CCBE1: variants seen among roughly 807,000 people sequenced by gnomAD.
CCBE1 encodes collagen and calcium-binding EGF domain-containing protein 1.
In CCBE1, 37 loss-of-function variants were observed where a neutral mutation model predicts 50.0. The ratio of observed to expected loss-of-function variants is 0.74; its 90% CI spans 0.57 to 0.97. The LOEUF (loss-of-function observed/expected upper bound fraction) is 0.97, where lower values mean the gene tolerates loss of function less well. CCBE1 is among the 50% of genes least tolerant of loss of function. CCBE1 has a pLI of 0.00. For synonymous variants in CCBE1, 234 were observed against 203.7 expected (o/e 1.15, Z -1.27); for missense variants, 538 against 523.8 (o/e 1.03, Z -0.26).
chr18:59,688,190 G>A (rs1003420892), intron 2 of CCBE1: 2 of 151,786 alleles, frequency 1.3e-5, no homozygotes, highest in Non-Finnish European at 2.9e-5. Context: ...CTAACATTTC[G>A]GCTAGGTGCG....
intron 2 of CCBE1, among the ~76,000 whole-genome samples, chr18:59,561,824 C>T (rs1004102515): frequency 3.9e-5 from 6 of 152,142 alleles, no homozygotes; most frequent in African/African-American, 9.7e-5. Context: ...TGTGTGAGGG[C>T]GGCCAGCTCA....
At chr18:59,520,323 A>T (rs1445944682) in intron 2 of CCBE1, among the ~76,000 whole-genome samples, 1 of 152,118 alleles carries the variant, frequency 6.6e-6, no homozygotes, top group East Asian at 1.9e-4. Flanking sequence ...ATGTTTTTCC[A>T]TTTGTTTGTG....
At chr18:59,517,795 C>A (rs548020705) in intron 2 of CCBE1, among the ~76,000 whole-genome samples, 17 of 152,324 alleles carry the variant, frequency 1.1e-4, no homozygotes, top group Admixed American at 2.6e-4. Flanking sequence ...GGGTTCAGAG[C>A]CACAACTACT....
chr18:59,646,328 G>T (rs996253494), intron 2 of CCBE1, among the ~76,000 whole-genome samples: 3 of 152,212 alleles, frequency 2.0e-5, no homozygotes, highest in African/African-American at 7.2e-5. Context: ...ATGGGAGCAG[G>T]ACTAGATTGT....
chr18:59,663,734 T>C (rs967819907), intron 2 of CCBE1, among the ~76,000 whole-genome samples: 3 of 152,090 alleles, frequency 2.0e-5, no homozygotes, highest in South Asian at 2.1e-4. Context: ...ATAAGCTGAG[T>C]GGCAGTAGGG....
intron 4 of CCBE1, among the ~76,000 whole-genome samples, chr18:59,467,137 C>T (rs766723465): frequency 6.6e-5 from 10 of 152,258 alleles, no homozygotes; most frequent in African/African-American, 1.4e-4. Context: ...CTCTGCCACT[C>T]GCAAGTCATG....
At chr18:59,622,815 A>T (rs2053730763) in intron 2 of CCBE1, among the ~76,000 whole-genome samples, 2 of 121,852 alleles carry the variant, frequency 1.6e-5, no homozygotes, top group South Asian at 5.4e-4. Context: ...AAAAAAAGAA[A>T]GAAAAAGAAA....
At chr18:59,506,886 C>T (rs185147811) in intron 2 of CCBE1, among the ~76,000 whole-genome samples, 3 of 152,304 alleles carry the variant, frequency 2.0e-5, no homozygotes, top group African/African-American at 4.8e-5. Context: ...GACTATTAGT[C>T]TCCCCAGATA....
Position 59,584,627 on chromosome 18 carries a change from T to TTGCG in CCBE1, c.213-104393_213-104390dup, listed in dbSNP as rs1469590911. ...TAGTGCTGGTCTTGTGATAGAGTTC[T>TTGCG]TGCGAGATCTGGTTGTCTAAACTGT... On this transcript the variant is annotated intron_variant, in intron 2 of 10. Coordinates refer to ENST00000439986, the MANE Select transcript of CCBE1 (RefSeq NM_133459.4). Among the ~76,000 whole-genome samples the TTGCG allele has an allele frequency of 2.2e-4, 33 of 152,172 alleles. 1 individual carries two copies. Among genetic ancestry groups the TTGCG allele is most frequent in the Admixed American group, 2.2e-3 (33 of 15,284 alleles).
chr18:59,488,803 C>T lies in CCBE1; in HGVS notation c.213-8565G>A, dbSNP rs1442097079. On this transcript the variant is annotated intron_variant, in intron 2 of 10. Coordinates refer to ENST00000439986, the MANE Select transcript of CCBE1 (RefSeq NM_133459.4). ...TACATGAGTTTAAAGGCATCAAGAGCTTGGTAAGCGCTGGCATGCATCAAG... is the reference window on the plus strand; with the variant it reads ...TACATGAGTTTAAAGGCATCAAGAGTTTGGTAAGCGCTGGCATGCATCAAG... Among the ~76,000 whole-genome samples, 5 of 152,172 alleles carry T rather than the reference C, an allele frequency of 3.3e-5. No individual in the cohort carries two copies. In the East Asian group the frequency reaches 7.7e-4, roughly 23 times the overall value.
At chr18:59,441,597 A>G (rs1910429087) in intron 7 of CCBE1, among the ~76,000 whole-genome samples, 1 of 152,234 alleles carries the variant, frequency 6.6e-6, no homozygotes, top group Non-Finnish European at 1.5e-5. Flanking sequence ...GGGCTTTAAA[A>G]TAACAGCATG....
rs2054692057 is a variant in CCBE1, at chr18:59,688,816, CTG to C, written c.212+7811_212+7812del. On this transcript the variant is annotated intron_variant, in intron 2 of 10. Transcript: ENST00000439986. ...GATGCTTGGCCAAGAAATCCAAACACTGTAATATAAATAAGGTGATACACAGG... is the reference window on the plus strand; with the variant it reads ...GATGCTTGGCCAAGAAATCCAAACACTAATATAAATAAGGTGATACACAGG... Among the ~76,000 whole-genome samples the C allele has an allele frequency of 1.3e-5, 2 of 152,140 alleles. 1 individual carries two copies. Among genetic ancestry groups the C allele is most frequent in the South Asian group, 4.1e-4 (2 of 4,834 alleles).
chr18:59,605,195 A>G (rs1029668208), intron 2 of CCBE1, among the ~76,000 whole-genome samples: 2 of 152,220 alleles, frequency 1.3e-5, no homozygotes, highest in African/African-American at 4.8e-5. Flanking sequence ...AGAAGGAAGG[A>G]GTCTGGCAGT....
At chr18:59,663,792 G>A (rs975179498) in intron 2 of CCBE1, among the ~76,000 whole-genome samples, 2 of 152,116 alleles carry the variant, frequency 1.3e-5, no homozygotes, top group Non-Finnish European at 2.9e-5. Flanking sequence ...CAGAAGTGAT[G>A]GGATTTGGTA....
At chr18:59,576,494 T>C (rs2052998265) in intron 2 of CCBE1, among the ~76,000 whole-genome samples, 1 of 152,226 alleles carries the variant, frequency 6.6e-6, no homozygotes, top group Non-Finnish European at 1.5e-5. Context: ...GGACAATGCC[T>C]AAGACTTGTG....
At chr18:59,479,651 T>C (rs1201183596) in intron 3 of CCBE1, among the ~76,000 whole-genome samples, 24 of 152,188 alleles carry the variant, frequency 1.6e-4, no homozygotes. Context: ...AGAAGCATGA[T>C]TAAAATCTAG....
intron 5 of CCBE1, among the ~76,000 whole-genome samples, chr18:59,457,277 G>A (rs968227815): frequency 3.3e-5 from 5 of 152,160 alleles, no homozygotes; most frequent in African/African-American, 7.2e-5. Flanking sequence ...GTGTGATAAC[G>A]AGCTGAGCAG....
chr18:59,654,802 A>G (rs1361688358), intron 2 of CCBE1, among the ~76,000 whole-genome samples: 1 of 151,238 alleles, frequency 6.6e-6, no homozygotes, highest in African/African-American at 2.4e-5. Flanking sequence ...AAAAAAAAAA[A>G]AAAAAAGGCC....
chr18:59,581,217 C>T (rs767850380), intron 2 of CCBE1, among the ~76,000 whole-genome samples: 10 of 152,038 alleles, frequency 6.6e-5, no homozygotes, highest in African/African-American at 2.2e-4. Flanking sequence ...CTGAGGTAGG[C>T]GGATCACGAG....
Sources: allele counts gnomAD v4.1 joint callset (sites outside exome capture counted in the v4.1 genomes callset), GRCh38; gene constraint gnomAD v4.1.1; transcripts MANE v1.5; gene names NCBI Gene and HGNC (gene_info 2026-07-23, HGNC 2026-07-21).